Variants in TRPM6 observed in about 807,000 individuals in gnomAD.
The protein encoded by TRPM6 is channel kinase 2.
A neutral mutation model predicts 247.6 loss-of-function variants in TRPM6; 111 were observed. The ratio of observed to expected loss-of-function variants is 0.45; its 90% CI spans 0.38 to 0.52. The LOEUF (loss-of-function observed/expected upper bound fraction) is 0.52. Among genes scored for constraint, TRPM6 ranks in the 20% least tolerant of loss-of-function variants. TRPM6 has a pLI of 0.00. For synonymous variants in TRPM6, 892 were observed against 853.8 expected (o/e 1.04, Z -0.78); for missense variants, 2,126 against 2,421.5 (o/e 0.88, Z 2.56).
At chr9:74,840,373 T>C (rs535034627) in intron 4 of TRPM6, 136 bp from the exon 5 acceptor site, 2 of 673,218 alleles carry the variant, frequency 3.0e-6, no homozygotes, top group East Asian at 2.7e-5. Context: ...TTAAAGTTCA[T>C]CTTCATGTAA....
chr9:74,755,707 C>A (rs1826409798), intron 27 of TRPM6, among the ~76,000 whole-genome samples: 1 of 152,192 alleles, frequency 6.6e-6, no homozygotes, highest in African/African-American at 2.4e-5. Flanking sequence ...GGTTCTTAAT[C>A]TTGAGTGCAC....
At chr9:74,741,254 A>T (rs1008506076) in intron 33 of TRPM6, among the ~76,000 whole-genome samples, 1 of 152,088 alleles carries the variant, frequency 6.6e-6, no homozygotes, top group African/African-American at 2.4e-5. Context: ...ACAGAGCAAC[A>T]TAATCTATAT....
At position 74,842,337 on chromosome 9, in the gene TRPM6, G is replaced by T; in HGVS notation, c.159C>A (p.Tyr53Ter). ...CATGGTCTCCAATCAGTCGGCCACA[G>T]TAACACCTTAAATTCAAGACCAAAA... is the stretch of plus-strand genomic sequence containing the variant. ...CQVCQNLIRCYCGRLIGDHAG... is the reference protein window; with the variant it reads ...CQVCQNLIRC Residue 53 changes from tyrosine to a stop codon, truncating the protein, a stop_gained, in exon 4 of 39, where the codon TAC becomes TAA. Transcript: ENST00000360774. LOFTEE classifies it high-confidence loss of function. 6.2e-7 allele frequency: 1 copy of T among 1,613,932 alleles called. No individual in the cohort carries two copies. The highest frequency in any genetic ancestry group is 8.5e-7 in the Non-Finnish European group (1 of 1,179,972).
At chr9:74,793,736 G>T (rs1300237716) in intron 18 of TRPM6, among the ~76,000 whole-genome samples, 1 of 152,180 alleles carries the variant, frequency 6.6e-6, no homozygotes, top group African/African-American at 2.4e-5. Context: ...GGGTCTGTTT[G>T]CCTGCAGTTC....
intron 25 of TRPM6, 23 bp from the exon 26 acceptor site, chr9:74,763,157 A>T: frequency 6.2e-7 from 1 of 1,602,808 alleles, no homozygotes; most frequent in Non-Finnish European, 8.5e-7. Flanking sequence ...GAAGGGAGAA[A>T]ACCAACAAGC....
intron 5 of TRPM6, 72 bp from the exon 6 acceptor site, chr9:74,834,194 G>T: frequency 6.3e-7 from 1 of 1,590,138 alleles, no homozygotes; most frequent in Non-Finnish European, 8.6e-7. Flanking sequence ...GCCAGAAACA[G>T]ACAAATAAAT....
At chr9:74,819,045 T>A (rs770822014) in intron 9 of TRPM6, among the ~76,000 whole-genome samples, 1 of 152,184 alleles carries the variant, frequency 6.6e-6, no homozygotes, top group African/African-American at 2.4e-5. Context: ...CAGTGGCTTA[T>A]GCCTGCAATC....
intron 36 of TRPM6, among the ~76,000 whole-genome samples, chr9:74,734,046 A>C (rs1158721628): frequency 6.6e-6 from 1 of 152,234 alleles, no homozygotes; most frequent in Non-Finnish European, 1.5e-5. Context: ...ATGACACTAA[A>C]GCCTAAAAAG....
chr9:74,824,951 G>A (rs572274762), intron 7 of TRPM6, among the ~76,000 whole-genome samples: 1 of 152,014 alleles, frequency 6.6e-6, no homozygotes, highest in Non-Finnish European at 1.5e-5. Context: ...AAGACTGGCT[G>A]AAAAGCAATA....
intron 25 of TRPM6, among the ~76,000 whole-genome samples, chr9:74,771,222 C>A (rs1274650697): frequency 6.6e-6 from 1 of 152,240 alleles, no homozygotes; most frequent in East Asian, 1.9e-4. Context: ...CCTTCTAGAA[C>A]CAGACCATCT....
intron 4 of TRPM6, among the ~76,000 whole-genome samples, chr9:74,841,832 T>C (rs1001026103): frequency 6.6e-6 from 1 of 152,194 alleles, no homozygotes; most frequent in Non-Finnish European, 1.5e-5. Context: ...AATTCCTTTA[T>C]TCCAAAATTA....
In TRPM6 at chr9:74,776,300, T is replaced by G. The variant is rs1827220532; in HGVS notation, c.3210-224A>C. 4 of 492,336 alleles carry G rather than the reference T, an allele frequency of 8.1e-6. No homozygotes were observed. The East Asian group carries it at 1.6e-4, about 20-fold the overall frequency. 30.5% of individuals were successfully genotyped at this position (492,336 alleles called of 1,614,324 possible). On this transcript the variant is annotated intron_variant, in intron 23 of 38. Transcript: ENST00000360774. ...CAGAATAACAAGCAGAAGGCAGACA[T>G]TACAATCAGAGAAAAGAAAATGCCA...
At position 74,722,988 on chromosome 9, in the gene TRPM6, T is replaced by C. The variant is rs1322407942; in HGVS notation, c.*1625A>G. ...GTTGGAATTTTTCAAACCCAGGAGG[T>C]TTGCTGCCTGTGAACTGGAACAGCT... On this transcript the variant is annotated 3_prime_UTR_variant, in exon 39 of 39. Transcript: ENST00000360774. 1 of 152,094 alleles carries C rather than the reference T, an allele frequency of 6.6e-6. No individual in the cohort carries two copies. The highest frequency in any genetic ancestry group is 1.5e-5 in the Non-Finnish European group (1 of 68,012). 9.4% of individuals were successfully genotyped at this position (152,094 alleles called of 1,614,324 possible). A position where few individuals can be genotyped will look rare whatever the true frequency, so the allele number is the denominator to read the frequency against.
At chr9:74,887,373 G>T (rs1008973939) in intron 1 of TRPM6, 2 of 1,385,308 alleles carry the variant, frequency 1.4e-6, no homozygotes, top group South Asian at 1.7e-5. Context: ...GTCAGCGTCC[G>T]GGTCTGAGAT....
Position 74,752,310 on chromosome 9 carries a change from T to C in TRPM6, c.4965A>G (p.Ile1655Met), listed in dbSNP as rs746747734. Residue 1655 changes from isoleucine to methionine, a missense_variant, in exon 29 of 39, where the codon ATA (isoleucine) becomes ATG (methionine). Ile to Met is a conservative substitution (Grantham distance 10, BLOSUM62 1). Coordinates refer to ENST00000360774, the MANE Select transcript of TRPM6 (RefSeq NM_017662.5). The stretch of plus-strand genomic sequence containing the variant: ...ACTGCTTTAGGTAATCACTGATTTG[T>C]ATAGCACATTGTCCAATTTCTTTAG... ...MKTKEIGQCA[I>M]QISDYLKQSQ... The C allele has an allele frequency of 1.2e-6, 2 of 1,602,304 alleles. No individual in the cohort carries two copies. Among genetic ancestry groups the C allele is most frequent in the Admixed American group, 1.7e-5 (1 of 59,702 alleles).
intron 6 of TRPM6, among the ~76,000 whole-genome samples, chr9:74,830,306 A>C (rs1345801452): frequency 6.6e-6 from 1 of 152,120 alleles, no homozygotes; most frequent in East Asian, 1.9e-4. Context: ...TGAAAAAAAA[A>C]CAGAATACTC....
chr9:74,829,945 C>T (rs564725599), intron 6 of TRPM6, among the ~76,000 whole-genome samples: 1 of 152,016 alleles, frequency 6.6e-6, no homozygotes, highest in East Asian at 1.9e-4. Context: ...AACAACACAG[C>T]AAGGCCCCAT....
chr9:74,775,743 G>T, intron 24 of TRPM6, 140 bp downstream of exon 24: 1 of 874,144 alleles, frequency 1.1e-6, no homozygotes. Flanking sequence ...CTCAGACCCA[G>T]AGCATCAGCT....
Position 74,827,752 on chromosome 9 carries a change from GGTGACTGAGCCCCT to G in TRPM6, c.841+12_841+25del, listed in dbSNP as rs1476451692. The stretch of plus-strand genomic sequence containing the variant: ...CCTCAGCAGGCCTGCAACCAGACTG[GGTGACTGAGCCCCT>G]GTGATACTCACGGCAGTGTATTTTC... On this transcript the variant is annotated intron_variant, in intron 7 of 38. Transcript: ENST00000360774. 2 of 1,613,122 alleles carry G rather than the reference GGTGACTGAGCCCCT, an allele frequency of 1.2e-6. 1 individual carries two copies. The highest frequency in any genetic ancestry group is 2.7e-5 in the African/African-American group (2 of 74,848).
Sources: gnomAD v4.1 joint callset for allele counts (sites outside exome capture counted in the v4.1 genomes callset) on GRCh38, gnomAD v4.1.1 for gene constraint, MANE v1.5 for transcripts, NCBI Gene and HGNC (gene_info 2026-07-23, HGNC 2026-07-21) for gene names.